Variants in PARD3B observed in about 807,000 individuals in gnomAD.
PARD3B encodes the protein par-3 family cell polarity regulator beta, also known as partitioning defective 3 homolog B.
Under a neutral mutation model 130.2 loss-of-function variants are expected in PARD3B, and 103 were observed. The ratio of observed to expected loss-of-function variants is 0.79; its 90% CI spans 0.67 to 0.93. PARD3B has a LOEUF of 0.93. PARD3B is among the 40% of genes least tolerant of loss of function. The probability of loss-of-function intolerance (pLI) is 0.00; values close to 1 mark genes in which losing one functional copy is unlikely to be tolerated. For missense variants in PARD3B, 1,609 were observed against 1,499.2 expected (o/e 1.07, Z -1.21); for synonymous variants, 583 against 553.2 (o/e 1.05, Z -0.76).
chr2:205,264,982 T>C (rs2040450595), intron 16 of PARD3B, among the ~76,000 whole-genome samples: 1 of 151,224 alleles, frequency 6.6e-6, no homozygotes, highest in Non-Finnish European at 1.5e-5. Flanking sequence ...TTCTTGCTTG[T>C]GTTTGTTGGC....
intron 2 of PARD3B, among the ~76,000 whole-genome samples, chr2:204,748,770 A>G (rs2040347698): frequency 6.6e-6 from 1 of 152,178 alleles, no homozygotes; most frequent in South Asian, 2.1e-4. Context: ...CTGTACAAAT[A>G]GGAAATAAAA....
intron 1 of PARD3B, among the ~76,000 whole-genome samples, chr2:204,576,687 T>A (rs538618436): frequency 6.6e-6 from 1 of 152,320 alleles, no homozygotes; most frequent in South Asian, 2.1e-4. Context: ...GTGAGACTTT[T>A]CCACAATAAA....
At position 205,470,035 on chromosome 2, in the gene PARD3B, T is replaced by C. The variant is rs187638517; in HGVS notation, c.3044+29363T>C. 1.7e-3 allele frequency among the ~76,000 whole-genome samples: 252 copies of C among 152,326 alleles called. 2 individuals carry two copies. Among genetic ancestry groups the C allele is most frequent in the African/African-American group, 5.7e-3 (237 of 41,572 alleles). ...CCACTATCCTTTTCTTTTTGGCCTC[T>C]CTCCTGCTTTCCATTGATGGAGATG... On this transcript the variant is annotated intron_variant, in intron 20 of 22. Coordinates refer to ENST00000406610, the MANE Select transcript of PARD3B (RefSeq NM_001302769.2). This position sits in a 1 kb window ranked among gnomAD's most constrained non-coding sequence, Gnocchi z 4.8.
chr2:205,301,864 A>T lies in PARD3B; in HGVS notation c.2630+163A>T. 8.7e-7 allele frequency: 1 copy of T among 1,148,694 alleles called. No individual in the cohort carries two copies. Among genetic ancestry groups the T allele is most frequent in the Non-Finnish European group, 1.3e-6 (1 of 761,012 alleles). The allele number at this position is 1,148,694 out of a possible 1,614,324, so 71.2% of individuals were successfully genotyped here. A position where few individuals can be genotyped will look rare whatever the true frequency, so the allele number is the denominator to read the frequency against. Reference sequence around the variant, plus strand: ...CGTTCTCTTTCTGCAGAGGCAGAGGAGCTTTTTGGGGAAAGTTACAGTGAT... The same window carrying T: ...CGTTCTCTTTCTGCAGAGGCAGAGGTGCTTTTTGGGGAAAGTTACAGTGAT... On this transcript the variant is annotated intron_variant, in intron 18 of 22. Transcript: ENST00000406610. This position sits in a 1 kb window ranked among gnomAD's most constrained non-coding sequence, Gnocchi z 5.2.
chr2:204,602,418 CACAGTTTAAAAAAAATAAAA>C (rs1559178927), intron 1 of PARD3B, among the ~76,000 whole-genome samples: 1 of 151,458 alleles, frequency 6.6e-6, no homozygotes, highest in Non-Finnish European at 1.5e-5. Context: ...AGTACAAAGA[CACAGTTTAAAAAAAATAAAA>C]ACAGTTTAAA....
chr2:204,618,795 A>G (rs1036428555), intron 1 of PARD3B, among the ~76,000 whole-genome samples: 2 of 152,156 alleles, frequency 1.3e-5, no homozygotes, highest in African/African-American at 2.4e-5. Flanking sequence ...AGTTTTATCT[A>G]GGAATATCTT....
At chr2:205,249,176 T>C (rs1436337657) in intron 16 of PARD3B, among the ~76,000 whole-genome samples, 1 of 80,260 alleles carries the variant, frequency 1.2e-5, no homozygotes, top group Non-Finnish European at 2.5e-5. Flanking sequence ...GCCCGGCTAA[T>C]TTTTTTTTTT....
At position 204,798,905 on chromosome 2, in the gene PARD3B, G is replaced by T. The variant is rs192710464; in HGVS notation, c.222+112623G>T. Among the ~76,000 whole-genome samples the T allele has an allele frequency of 2.0e-5, 3 of 152,208 alleles. 1 individual carries two copies. The highest frequency in any genetic ancestry group is 1.3e-4 in the Admixed American group (2 of 15,282). On this transcript the variant is annotated intron_variant, in intron 2 of 22. Transcript: ENST00000406610. ...CCAGTTAGTACTTGCCATGGGCCTTGGTTGAGACTCAGAGGCATGCTAGCT... is the reference window on the plus strand; with the variant it reads ...CCAGTTAGTACTTGCCATGGGCCTTTGTTGAGACTCAGAGGCATGCTAGCT...
At chr2:205,359,460 G>A (rs12373584) in intron 18 of PARD3B, among the ~76,000 whole-genome samples, 90,466 of 151,992 alleles carry the variant, frequency 0.6, 30,433 homozygotes, top group South Asian at 0.77. Flanking sequence ...TTTGGACTGA[G>A]TGCAAAGAGT....
At chr2:205,173,440 G>T (rs1170506241) in intron 12 of PARD3B, among the ~76,000 whole-genome samples, 1 of 152,154 alleles carries the variant, frequency 6.6e-6, no homozygotes. Context: ...GACAGATATT[G>T]CTGTCTGTTT....
chr2:204,894,437 A>C (rs1559235894), intron 2 of PARD3B, among the ~76,000 whole-genome samples: 1 of 151,220 alleles, frequency 6.6e-6, no homozygotes, highest in Non-Finnish European at 1.5e-5. Context: ...AGTGACAGGC[A>C]TTTTTACTTT....
intron 18 of PARD3B, among the ~76,000 whole-genome samples, chr2:205,391,708 T>C (rs1247089302): frequency 2.0e-5 from 3 of 152,214 alleles, no homozygotes; most frequent in Admixed American, 1.3e-4. Flanking sequence ...AGGGGTAGAA[T>C]AACTTAAAAC....
intron 22 of PARD3B, among the ~76,000 whole-genome samples, chr2:205,574,959 G>T (rs1013243655): frequency 6.6e-6 from 1 of 151,592 alleles, no homozygotes; most frequent in Non-Finnish European, 1.5e-5. Flanking sequence ...CCACAGAAAG[G>T]TTCATCGTAT....
At chr2:205,108,440 C>T (rs527430817) in intron 5 of PARD3B, among the ~76,000 whole-genome samples, 3 of 152,206 alleles carry the variant, frequency 2.0e-5, no homozygotes, top group African/African-American at 7.2e-5. Flanking sequence ...CTCCTGTACA[C>T]AGCACCTTTC....
chr2:205,062,034 T>C (rs761213932), intron 4 of PARD3B, among the ~76,000 whole-genome samples: 1 of 152,032 alleles, frequency 6.6e-6, no homozygotes. Flanking sequence ...CCCCTTCCCT[T>C]GTACGCTTCT....
At chr2:205,036,903 TATATAGCGGACTGTATATATAAAAAAC>T (rs1697971394) in intron 3 of PARD3B, among the ~76,000 whole-genome samples, 10 of 151,124 alleles carry the variant, frequency 6.6e-5, no homozygotes, top group African/African-American at 2.4e-4. Flanking sequence ...ATAAAGAACA[TATATAGCGGACTGTATATATAAAAAAC>T]ATATAGTGGA....
At chr2:204,814,353 A>T (rs2043067671) in intron 2 of PARD3B, among the ~76,000 whole-genome samples, 1 of 151,722 alleles carries the variant, frequency 6.6e-6, no homozygotes, top group African/African-American at 2.4e-5. Flanking sequence ...TAAGTTATAT[A>T]TCATGTACAA....
rs1053017933 is a variant in PARD3B, at chr2:205,137,028, A to G, written c.1434+11291A>G. On this transcript the variant is annotated intron_variant, in intron 10 of 22. Transcript: ENST00000406610. Reference sequence around the variant, plus strand: ...CATGATTCTTTAACTCCAGGAGTTCATAGATAATGCTAAGTGGTATTAGAG... The same window carrying G: ...CATGATTCTTTAACTCCAGGAGTTCGTAGATAATGCTAAGTGGTATTAGAG... 7.2e-5 allele frequency among the ~76,000 whole-genome samples: 11 copies of G among 152,232 alleles called. 1 individual carries two copies. Among genetic ancestry groups the G allele is most frequent in the South Asian group, 4.1e-4 (2 of 4,832 alleles).
At chr2:204,926,058 G>A (rs1209570818) in intron 2 of PARD3B, among the ~76,000 whole-genome samples, 1 of 152,020 alleles carries the variant, frequency 6.6e-6, no homozygotes, top group African/African-American at 2.4e-5. Flanking sequence ...GTCTTGGGTA[G>A]CACCTTTATA....
Sources: gnomAD v4.1 joint callset for allele counts (sites outside exome capture counted in the v4.1 genomes callset) on GRCh38, gnomAD v4.1.1 for gene constraint, Gnocchi (gnomAD v3.1) non-coding constraint, MANE v1.5 for transcripts, NCBI Gene and HGNC (gene_info 2026-07-23, HGNC 2026-07-21) for gene names.